Variants in SPMIP3 observed in about 807,000 individuals in gnomAD.
The protein encoded by SPMIP3 is protein SPMIP3.
chr1:244,365,760 CAGA>C, the SPMIP3 span, among the ~76,000 whole-genome samples: 1 of 152,070 alleles, frequency 6.6e-6, no homozygotes, highest in African/African-American at 2.4e-5. Flanking sequence ...CCCAAAAGAC[CAGA>C]AGGATATTGG....
chr1:244,359,679 C>T, the SPMIP3 span, among the ~76,000 whole-genome samples: 17 of 151,496 alleles, frequency 1.1e-4, no homozygotes, highest in Admixed American at 1.1e-3. Context: ...GCCGAGATCA[C>T]GACATTGCAC....
chr1:244,352,907 C>A, the SPMIP3 span, among the ~76,000 whole-genome samples: 1 of 152,202 alleles, frequency 6.6e-6, no homozygotes, highest in Non-Finnish European at 1.5e-5. Flanking sequence ...AGTGAATACT[C>A]ATCTCTCTCA....
chr1:244,353,876 G>T, the SPMIP3 span, among the ~76,000 whole-genome samples: 2 of 152,030 alleles, frequency 1.3e-5, no homozygotes, highest in East Asian at 3.9e-4. Flanking sequence ...GCCTCTCATC[G>T]CACAGGCTCA....
chr1:244,367,945 TTTTTG>T, the SPMIP3 span, among the ~76,000 whole-genome samples: 74 of 152,100 alleles, frequency 4.9e-4, no homozygotes, highest in African/African-American at 1.7e-3. Flanking sequence ...GGTTTTTGGT[TTTTTG>T]TTTTGTTTTG....
chr1:244,358,314 T>A, the SPMIP3 span, among the ~76,000 whole-genome samples: 3 of 151,902 alleles, frequency 2.0e-5, no homozygotes, highest in African/African-American at 7.2e-5. Context: ...CCGGGCATAA[T>A]GGCTCACACC....
chr1:244,387,383 T>C, the SPMIP3 span, among the ~76,000 whole-genome samples: 1 of 152,230 alleles, frequency 6.6e-6, no homozygotes, highest in Non-Finnish European at 1.5e-5. Context: ...AGTGAAGCTC[T>C]CTTTGAACCC....
the SPMIP3 span, among the ~76,000 whole-genome samples, chr1:244,363,337 G>A: frequency 6.6e-6 from 1 of 152,278 alleles, no homozygotes; most frequent in South Asian, 2.1e-4. Flanking sequence ...GAACCCGGGA[G>A]GTGGAGGTGG....
the SPMIP3 span, among the ~76,000 whole-genome samples, chr1:244,384,119 T>C: frequency 2.0e-5 from 3 of 151,978 alleles, no homozygotes; most frequent in Admixed American, 1.3e-4. Flanking sequence ...CCTCTAACTG[T>C]GGAGAAGAAA....
chr1:244,353,221 T>G, the SPMIP3 span, among the ~76,000 whole-genome samples: 1 of 152,256 alleles, frequency 6.6e-6, no homozygotes, highest in Admixed American at 6.5e-5. Context: ...GGAGCTCACA[T>G]TTTACCTGAA....
chr1:244,354,736 G>C, the SPMIP3 span, among the ~76,000 whole-genome samples: 60,829 of 152,058 alleles, frequency 0.4, 12,748 homozygotes, highest in Middle Eastern at 0.5. Context: ...TTTCAACCAA[G>C]TCTTTAGAAA....
At chr1:244,381,246 C>T in the SPMIP3 span, among the ~76,000 whole-genome samples, 1 of 152,044 alleles carries the variant, frequency 6.6e-6, no homozygotes, top group Non-Finnish European at 1.5e-5. Flanking sequence ...TTCCGGTCCC[C>T]ACAGAACTGG....
the SPMIP3 span, among the ~76,000 whole-genome samples, chr1:244,379,714 T>C: frequency 6.6e-6 from 1 of 152,148 alleles, no homozygotes; most frequent in Non-Finnish European, 1.5e-5. Context: ...GCGCAGTGGC[T>C]CATGTCTGTA....
the SPMIP3 span, among the ~76,000 whole-genome samples, chr1:244,357,188 C>T: frequency 1.3e-5 from 2 of 148,276 alleles, no homozygotes; most frequent in Non-Finnish European, 3.0e-5. Flanking sequence ...TCCCAAAGTG[C>T]TGAGATGACA....
At chr1:244,356,326 C>T in the SPMIP3 span, among the ~76,000 whole-genome samples, 4 of 152,242 alleles carry the variant, frequency 2.6e-5, no homozygotes, top group East Asian at 1.9e-4. Context: ...AATTTTACCA[C>T]GAATGGGTCA....
At chr1:244,374,438 A>T in the SPMIP3 span, among the ~76,000 whole-genome samples, 2 of 152,074 alleles carry the variant, frequency 1.3e-5, no homozygotes, top group Admixed American at 1.3e-4. Context: ...TGTTACAGTT[A>T]AAAAAAAGAT....
At chr1:244,362,450 T>C in the SPMIP3 span, among the ~76,000 whole-genome samples, 1 of 152,360 alleles carries the variant, frequency 6.6e-6, no homozygotes, top group Non-Finnish European at 1.5e-5. Context: ...AGTAAAACTC[T>C]GTAGGGTTGC....
chr1:244,375,824 C>G, the SPMIP3 span, among the ~76,000 whole-genome samples: 1 of 152,008 alleles, frequency 6.6e-6, no homozygotes, highest in Non-Finnish European at 1.5e-5. Context: ...GTTACCATAC[C>G]CAGCTAATTT....
At chr1:244,364,962 G>A in the SPMIP3 span, among the ~76,000 whole-genome samples, 2 of 152,192 alleles carry the variant, frequency 1.3e-5, no homozygotes, top group African/African-American at 2.4e-5. Context: ...GAAGAAAGAG[G>A]CTGACAAATC....
chr1:244,384,842 A>G, the SPMIP3 span, among the ~76,000 whole-genome samples: 1 of 152,160 alleles, frequency 6.6e-6, no homozygotes, highest in Non-Finnish European at 1.5e-5. Context: ...TCACAGAATA[A>G]GAGAAAGAAT....
Sources: allele counts gnomAD v4.1 joint callset (sites outside exome capture counted in the v4.1 genomes callset), GRCh38; gene constraint gnomAD v4.1.1; transcripts MANE v1.5; gene names NCBI Gene and HGNC (gene_info 2026-07-23, HGNC 2026-07-21).